PABIR3: variants seen among roughly 807,000 people sequenced by gnomAD.
PABIR3 encodes PABIR family member 1.
A neutral mutation model predicts 23.1 loss-of-function variants in PABIR3; 20 were observed. That is an observed-to-expected ratio of 0.86 (90% CI 0.61 to 1.26). The LOEUF (loss-of-function observed/expected upper bound fraction) is 1.26. Ranked by LOEUF, PABIR3 falls within the 50% of genes most tolerant of loss-of-function variation. The pLI is 0.00. For synonymous variants in PABIR3, 69 were observed against 68.5 expected, an observed-to-expected ratio of 1.01 and a Z score of -0.04; for missense variants, 189 against 195.4, an observed-to-expected ratio of 0.97 and a Z score of 0.20.
chrX:134,817,752 G>A, intron 3 of PABIR3, among the ~76,000 whole-genome samples: 1 of 110,654 alleles, frequency 9.0e-6, no homozygotes, highest in Non-Finnish European at 1.9e-5. Flanking sequence ...ATCTTGTAGG[G>A]CCTTCAAGTC....
chrX:134,850,581 A>C (rs1283322594), intron 9 of PABIR3, among the ~76,000 whole-genome samples: 1 of 112,311 alleles, frequency 8.9e-6, no homozygotes, highest in African/African-American at 3.2e-5. Flanking sequence ...TCAATTGAGT[A>C]TTTAAAATAA....
chrX:134,826,531 G>C (rs1432451518), intron 3 of PABIR3, among the ~76,000 whole-genome samples: 1 of 111,061 alleles, frequency 9.0e-6, no homozygotes, highest in Non-Finnish European at 1.9e-5. Flanking sequence ...CAGCTTATTA[G>C]CTGTCTTTTT....
At chrX:134,820,224 G>T (rs1009348862) in intron 3 of PABIR3, among the ~76,000 whole-genome samples, 5 of 112,008 alleles carry the variant, frequency 4.5e-5, no homozygotes, top group Non-Finnish European at 9.4e-5. Flanking sequence ...ATTATAGGCA[G>T]AATTTTATTT....
chrX:134,856,606 A>C (rs1309492774), downstream of PABIR3, among the ~76,000 whole-genome samples: 1 of 111,551 alleles, frequency 9.0e-6, no homozygotes, highest in Non-Finnish European at 1.9e-5. Context: ...TTACCTTTTG[A>C]GCTTGTGTAT....
intron 3 of PABIR3, among the ~76,000 whole-genome samples, chrX:134,820,220 G>A (rs1016696972): frequency 8.9e-6 from 1 of 111,794 alleles, no homozygotes; most frequent in African/African-American, 3.2e-5. Context: ...TGACATTATA[G>A]GCAGAATTTT....
intron 7 of PABIR3, 35 bp downstream of exon 7, chrX:134,847,510 G>T: frequency 1.0e-6 from 1 of 999,883 alleles, no homozygotes; most frequent in South Asian, 2.0e-5. Flanking sequence ...TATGTCTCTT[G>T]AAATAGTTAG....
chrX:134,841,590 G>A (rs1337408308), intron 4 of PABIR3, among the ~76,000 whole-genome samples: 1 of 111,618 alleles, frequency 9.0e-6, no homozygotes, highest in Non-Finnish European at 1.9e-5. Flanking sequence ...AGCACTTTGG[G>A]AAGCAGAGGT....
intron 4 of PABIR3, among the ~76,000 whole-genome samples, chrX:134,830,325 C>CTTTTTTTT (rs766717674): frequency 4.8e-5 from 3 of 62,547 alleles, no homozygotes; most frequent in African/African-American, 1.4e-4. Flanking sequence ...GGTTTTTTTC[C>CTTTTTTTT]TTTTTTTTTT....
chrX:134,802,449 C>T (rs1414705963), upstream of PABIR3, among the ~76,000 whole-genome samples: 2 of 111,237 alleles, frequency 1.8e-5, no homozygotes, highest in Non-Finnish European at 3.8e-5. Context: ...TGGGGCCTTA[C>T]GCTGGATGGT....
In PABIR3 at chrX:134,854,206, C is replaced by T; in HGVS notation, c.802C>T (p.His268Tyr). The stretch of plus-strand genomic sequence containing the variant: ...TGTGTCACCTTCTGATACTGGTTCT[C>T]ATTTGTTCTAGTAGACAAACTTTCA... ...SPVSPSDTGS[H>Y]LF Residue 268 changes from histidine to tyrosine, a missense_variant, in exon 11 of 11, where the codon CAT (histidine) becomes TAT (tyrosine). Coordinates refer to ENST00000645433, the MANE Select transcript of PABIR3 (RefSeq NM_001388447.1). The T allele has an allele frequency of 8.3e-7, 1 of 1,209,471 alleles. No homozygotes were observed.
chrX:134,835,996 C>T (rs891409878), intron 4 of PABIR3, among the ~76,000 whole-genome samples: 3 of 111,823 alleles, frequency 2.7e-5, no homozygotes, highest in Non-Finnish European at 5.6e-5. Flanking sequence ...CACCACCACA[C>T]CTGGCTAACT....
At chrX:134,848,322 G>A (rs936041488) in intron 8 of PABIR3, among the ~76,000 whole-genome samples, 1 of 109,572 alleles carries the variant, frequency 9.1e-6, no homozygotes, top group African/African-American at 3.3e-5. Context: ...CCCAGGAGGT[G>A]GAGGTTGTGG....
intron 3 of PABIR3, among the ~76,000 whole-genome samples, chrX:134,828,043 C>CTATATATATATATATATA (rs369833437): frequency 1.5e-5 from 1 of 66,645 alleles, no homozygotes; most frequent in African/African-American, 5.6e-5. Context: ...CTCTCTCTCT[C>CTATATATATATATATATA]TCTCTATATA....
intron 2 of PABIR3, among the ~76,000 whole-genome samples, chrX:134,808,728 G>A (rs1262792733): frequency 8.9e-6 from 1 of 111,745 alleles, no homozygotes; most frequent in Non-Finnish European, 1.9e-5. Context: ...TGTTGGCCAG[G>A]CTGGTCTCGA....
chrX:134,828,047 C>CTATATATATATATATATATATATA (rs61129426), intron 3 of PABIR3, among the ~76,000 whole-genome samples: 1 of 49,420 alleles, frequency 2.0e-5, no homozygotes, highest in African/African-American at 8.2e-5. Flanking sequence ...CTCTCTCTCT[C>CTATATATATATATATATATATATA]TATATATATA....
downstream of PABIR3, among the ~76,000 whole-genome samples, chrX:134,857,258 T>C (rs141188537): frequency 0.012 from 1,343 of 111,231 alleles, 29 homozygotes; most frequent in African/African-American, 0.042. Context: ...ATCCATTCCT[T>C]GCCTCTCTCC....
intron 4 of PABIR3, chrX:134,838,698 AC>A (rs1190138853): frequency 2.5e-5 from 1 of 39,947 alleles, no homozygotes; most frequent in Non-Finnish European, 4.2e-5. Context: ...CCCTCTCCCC[AC>A]GGTCTCCCTC....
chrX:134,844,400 G>A (rs1330812270), intron 4 of PABIR3, among the ~76,000 whole-genome samples: 1 of 110,188 alleles, frequency 9.1e-6, no homozygotes, highest in Non-Finnish European at 1.9e-5. Flanking sequence ...TTGGTAAGGG[G>A]CGCATTGCAT....
intron 3 of PABIR3, chrX:134,821,268 C>G: frequency 5.4e-6 from 2 of 373,182 alleles, no homozygotes; most frequent in African/African-American, 3.3e-5. Context: ...AAAAAAAAAA[C>G]TGTTCCCTCA....
Sources: allele counts gnomAD v4.1 joint callset (sites outside exome capture counted in the v4.1 genomes callset), GRCh38; gene constraint gnomAD v4.1.1; transcripts MANE v1.5; gene names NCBI Gene and HGNC (gene_info 2026-07-23, HGNC 2026-07-21).